ZFAND3: variants seen among roughly 807,000 people sequenced by gnomAD.
The protein encoded by ZFAND3 is AN1-type zinc finger protein 3.
Under a neutral mutation model 29.6 loss-of-function variants are expected in ZFAND3, and 10 were observed. The observed-to-expected ratio is 0.34, with a 90% confidence interval of 0.21 to 0.57. ZFAND3 has a LOEUF of 0.57. Ranked by LOEUF, ZFAND3 falls within the 20% of genes least tolerant of loss-of-function variation. ZFAND3 has a pLI of 0.86. For missense variants in ZFAND3, 230 were observed against 304.5 expected (o/e 0.76, Z 1.82); for synonymous variants, 128 against 112.6 (o/e 1.14, Z -0.87).
chr6:37,930,049 T>C lies in ZFAND3; in HGVS notation c.112+50T>C, dbSNP rs200712632. The C allele has an allele frequency of 2.5e-4, 377 of 1,513,874 alleles. 1 individual carries two copies. In the African/African-American group the frequency reaches 3.3e-3, roughly 13 times the overall value. 93.8% of individuals were successfully genotyped at this position (1,513,874 alleles called of 1,614,324 possible). ...AATTTACTTTCATTTTTCTTTCTTTTTTTTTTTTTGGTTCTTTTTAAGACT... is the reference window on the plus strand; with the variant it reads ...AATTTACTTTCATTTTTCTTTCTTTCTTTTTTTTTGGTTCTTTTTAAGACT... On this transcript the variant is annotated intron_variant, in intron 2 of 5. Coordinates refer to ENST00000287218, the MANE Select transcript of ZFAND3 (RefSeq NM_021943.3).
chr6:38,049,615 C>T (rs939883967), intron 2 of ZFAND3, among the ~76,000 whole-genome samples: 1 of 152,058 alleles, frequency 6.6e-6, no homozygotes, highest in Admixed American at 6.5e-5. Flanking sequence ...GAGATAGATA[C>T]CTTTTAGGAA....
At chr6:37,916,420 G>A (rs1182501020) in intron 1 of ZFAND3, among the ~76,000 whole-genome samples, 3 of 152,064 alleles carry the variant, frequency 2.0e-5, no homozygotes, top group African/African-American at 7.2e-5. Flanking sequence ...AGCACTTTGA[G>A]AGGCCAAGGC....
chr6:37,980,033 C>A (rs6908761), intron 2 of ZFAND3, among the ~76,000 whole-genome samples: 12,510 of 152,224 alleles, frequency 0.082, 622 homozygotes, highest in African/African-American at 0.14. Flanking sequence ...CCTACCAAGC[C>A]AGGGCTACTG....
chr6:37,935,029 A>G (rs1366897941), intron 2 of ZFAND3, among the ~76,000 whole-genome samples: 1 of 152,110 alleles, frequency 6.6e-6, no homozygotes, highest in Non-Finnish European at 1.5e-5. Flanking sequence ...ATATCTCTCA[A>G]GTCTAAGACT....
chr6:38,081,223 G>T (rs1490150481), intron 3 of ZFAND3, among the ~76,000 whole-genome samples: 1 of 150,364 alleles, frequency 6.7e-6, no homozygotes, highest in South Asian at 2.2e-4. Context: ...GTAGGTATTT[G>T]CTAAGTGTTC....
chr6:38,060,012 T>C (rs1581882289), intron 2 of ZFAND3, among the ~76,000 whole-genome samples: 1 of 151,928 alleles, frequency 6.6e-6, no homozygotes. Flanking sequence ...TATAACCATT[T>C]TTGGTTTAAG....
At chr6:37,992,311 G>T (rs1393605090) in intron 2 of ZFAND3, among the ~76,000 whole-genome samples, 1 of 152,136 alleles carries the variant, frequency 6.6e-6, no homozygotes, top group East Asian at 1.9e-4. Flanking sequence ...GGTGTGTTTG[G>T]CAATAGAAGC....
At chr6:37,947,800 C>T (rs1380537840) in intron 2 of ZFAND3, among the ~76,000 whole-genome samples, 1 of 152,084 alleles carries the variant, frequency 6.6e-6, no homozygotes, top group Non-Finnish European at 1.5e-5. Context: ...CCTATTCCCC[C>T]CAACATATTT....
chr6:37,846,712 T>TG (rs921981818), intron 1 of ZFAND3, among the ~76,000 whole-genome samples: 90 of 151,862 alleles, frequency 5.9e-4, no homozygotes, highest in Admixed American at 2.5e-3. Flanking sequence ...TGATTTTTTT[T>TG]TTTTTGTTTT....
At chr6:38,123,819 A>T (rs531481530) in intron 5 of ZFAND3, among the ~76,000 whole-genome samples, 1 of 152,276 alleles carries the variant, frequency 6.6e-6, no homozygotes, top group African/African-American at 2.4e-5. Flanking sequence ...CGCTGGCTTC[A>T]GGAGTGAAGC....
chr6:38,012,439 C>T (rs553216299), intron 2 of ZFAND3, among the ~76,000 whole-genome samples: 6 of 143,404 alleles, frequency 4.2e-5, no homozygotes, highest in South Asian at 2.2e-4. Flanking sequence ...AGTGCAGTGG[C>T]GCGATCTTGG....
At chr6:37,823,179 G>A (rs928292700) in intron 1 of ZFAND3, among the ~76,000 whole-genome samples, 2 of 152,162 alleles carry the variant, frequency 1.3e-5, no homozygotes, top group African/African-American at 2.4e-5. Context: ...GTCCAGATTT[G>A]CCCTGTGGTG....
At chr6:37,964,243 C>T (rs148887459) in intron 2 of ZFAND3, among the ~76,000 whole-genome samples, 1 of 152,294 alleles carries the variant, frequency 6.6e-6, no homozygotes, top group African/African-American at 2.4e-5. Flanking sequence ...CTAGCTGTTA[C>T]AGGTGCATTT....
intron 2 of ZFAND3, among the ~76,000 whole-genome samples, chr6:38,057,319 GTTTC>G (rs1187432250): frequency 6.6e-6 from 1 of 152,110 alleles, no homozygotes; most frequent in African/African-American, 2.4e-5. Context: ...ACTTCTGAGA[GTTTC>G]TTTCTTTTTG....
chr6:38,010,030 A>G (rs1763119141), intron 2 of ZFAND3, among the ~76,000 whole-genome samples: 2 of 152,218 alleles, frequency 1.3e-5, no homozygotes, highest in Admixed American at 6.5e-5. Context: ...CTAAATGTCT[A>G]AATAAAGACC....
chr6:38,047,964 GT>G (rs1241798963), intron 2 of ZFAND3, among the ~76,000 whole-genome samples: 4 of 126,252 alleles, frequency 3.2e-5, no homozygotes, highest in Admixed American at 8.8e-5. Flanking sequence ...AGGTTTTTGG[GT>G]TTTTTTTGTT....
At chr6:37,873,442 C>T (rs1018152374) in intron 1 of ZFAND3, among the ~76,000 whole-genome samples, 1 of 152,160 alleles carries the variant, frequency 6.6e-6, no homozygotes, top group Admixed American at 6.5e-5. Flanking sequence ...TAGAGCCTGT[C>T]GAATTTTATT....
At chr6:37,902,359 C>T (rs114394950) in intron 1 of ZFAND3, among the ~76,000 whole-genome samples, 230 of 151,876 alleles carry the variant, frequency 1.5e-3, no homozygotes, top group African/African-American at 5.2e-3. Flanking sequence ...CCCAGGCACT[C>T]GGGGGGCTGA....
intron 3 of ZFAND3, among the ~76,000 whole-genome samples, chr6:38,074,853 GA>G (rs1213941707): frequency 6.6e-6 from 1 of 152,178 alleles, no homozygotes; most frequent in Non-Finnish European, 1.5e-5. Flanking sequence ...TTATCCTTCT[GA>G]AAAATCCTAG....
Sources: gnomAD v4.1 joint callset for allele counts (sites outside exome capture counted in the v4.1 genomes callset) on GRCh38, gnomAD v4.1.1 for gene constraint, MANE v1.5 for transcripts, NCBI Gene and HGNC (gene_info 2026-07-23, HGNC 2026-07-21) for gene names.